The following SLC28A1 variants were observed in gnomAD, a reference collection of about 807,000 sequenced individuals.
The protein encoded by SLC28A1 is sodium/nucleoside cotransporter 1.
In SLC28A1, 64 loss-of-function variants were observed where a neutral mutation model predicts 74.8. That is an observed-to-expected ratio of 0.86 (90% CI 0.70 to 1.05). The LOEUF (loss-of-function observed/expected upper bound fraction) is 1.05. Among genes scored for constraint, SLC28A1 ranks in the 50% least tolerant of loss-of-function variants. SLC28A1 has a pLI of 0.00. For missense variants in SLC28A1, 828 were observed against 822.8 expected, an observed-to-expected ratio of 1.01 and a Z score of -0.08; for synonymous variants, 359 against 335.0, an observed-to-expected ratio of 1.07 and a Z score of -0.78.
At chr15:84,950,358 CCTTTTTTTT>C (rs529265347), downstream of SLC28A1, among the ~76,000 whole-genome samples, 22,734 of 102,900 alleles carry the variant, frequency 0.22, 2,158 homozygotes, top group South Asian at 0.54. Context: ...TCGCCAGTCT[CCTTTTTTTT>C]TTTTTTTTTT....
rs1453274347 is a variant in SLC28A1, at chr15:84,905,545, T to C, written c.610T>C (p.Trp204Arg). ...CTGTTGGGTGGGGTGGTAGGTGTCC[T>C]GGAGGGCCGTGTCTTGGGGACTTGG... ...ACSKHHCAVSWRAVSWGLGLQ... is the reference protein window; with the variant it reads ...ACSKHHCAVSRRAVSWGLGLQ... Residue 204 changes from tryptophan (W) to arginine (R), a missense_variant, in exon 8 of 19, where the codon TGG becomes CGG. Trp to Arg is a moderately radical substitution (Grantham distance 101, BLOSUM62 -3). Transcript: ENST00000394573. 1 of 1,611,250 alleles carries C rather than the reference T, an allele frequency of 6.2e-7. No individual in the cohort carries two copies. Among genetic ancestry groups the C allele is most frequent in the Non-Finnish European group, 8.5e-7 (1 of 1,177,520 alleles).
At chr15:84,886,001 G>A (rs755298544) in intron 1 of SLC28A1, 94 of 328,338 alleles carry the variant, frequency 2.9e-4, no homozygotes, top group Non-Finnish European at 4.0e-4. Context: ...GCATCATAGA[G>A]GATTTTGTCC....
In SLC28A1 at chr15:84,893,927, C is replaced by T. The variant is rs990906326; in HGVS notation, c.278-1013C>T. On this transcript the variant is annotated intron_variant, in intron 5 of 18. Transcript: ENST00000394573. ...GCTTGGCGGCCTTGCCAGGCTCAGG[C>T]GCTTTCTCTGTGATACCAGTGTCCT... Among the ~76,000 whole-genome samples the T allele has an allele frequency of 4.6e-5, 7 of 152,202 alleles. No individual in the cohort carries two copies. The East Asian group carries it at 5.8e-4, about 13-fold the overall frequency.
chr15:84,935,229 AGGAT>A, intron 14 of SLC28A1, 35 bp downstream of exon 14: 1 of 1,613,254 alleles, frequency 6.2e-7, no homozygotes, highest in Non-Finnish European at 8.5e-7. Context: ...GTCTGTAGAG[AGGAT>A]GGCCCCAGGT....
chr15:84,946,939 C>T (rs1383517208), downstream of SLC28A1, among the ~76,000 whole-genome samples: 1 of 152,232 alleles, frequency 6.6e-6, no homozygotes, highest in Non-Finnish European at 1.5e-5. Flanking sequence ...GCCCTACACC[C>T]TCACCCCTAC....
At chr15:84,967,216 A>G in the SLC28A1 span, among the ~76,000 whole-genome samples, 1 of 152,178 alleles carries the variant, frequency 6.6e-6, no homozygotes, top group Non-Finnish European at 1.5e-5. Context: ...TTACGTTGCT[A>G]CTTGTGCACA....
intron 6 of SLC28A1, among the ~76,000 whole-genome samples, chr15:84,902,211 G>A (rs970646099): frequency 2.0e-5 from 3 of 152,060 alleles, no homozygotes; most frequent in Non-Finnish European, 4.4e-5. Context: ...AGGGTGCGGT[G>A]GCTCACACCT....
intron 5 of SLC28A1, among the ~76,000 whole-genome samples, chr15:84,893,327 C>T (rs143178636): frequency 1.2e-4 from 18 of 152,288 alleles, no homozygotes; most frequent in African/African-American, 4.3e-4. Flanking sequence ...AGGTCCCCCT[C>T]CCCTGAACCC....
At chr15:84,946,116 T>TATATATA (rs2079220073), downstream of SLC28A1, among the ~76,000 whole-genome samples, 2 of 30,738 alleles carry the variant, frequency 6.5e-5, 1 homozygote, top group African/African-American at 2.1e-4. Context: ...ATATATATTT[T>TATATATA]TTTTTTTTTT....
chr15:84,957,668 T>G, the SLC28A1 span, among the ~76,000 whole-genome samples: 1 of 152,338 alleles, frequency 6.6e-6, no homozygotes, highest in East Asian at 1.9e-4. Flanking sequence ...TCTATTCCAT[T>G]TATCTGTAGT....
intron 9 of SLC28A1, among the ~76,000 whole-genome samples, chr15:84,912,178 C>A (rs1596285299): frequency 6.6e-6 from 1 of 152,312 alleles, no homozygotes; most frequent in South Asian, 2.1e-4. Flanking sequence ...TATTCAGCCT[C>A]CCCCTCTCCC....
intron 16 of SLC28A1, among the ~76,000 whole-genome samples, chr15:84,943,781 T>C (rs1312477867): frequency 1.3e-5 from 2 of 151,734 alleles, no homozygotes; most frequent in Non-Finnish European, 1.5e-5. Context: ...ATACAAAAAT[T>C]AGCCAGGCGT....
At chr15:84,946,096 ATATATATATATATATATTTTTTTTTT>A (rs2079205671), downstream of SLC28A1, among the ~76,000 whole-genome samples, 1 of 14,890 alleles carries the variant, frequency 6.7e-5, no homozygotes, top group African/African-American at 1.9e-4. Context: ...ATATATATAT[ATATATATATATATATATTTTTTTTTT>A]TTTTTTTTTT....
chr15:84,954,177 T>C, the SLC28A1 span, among the ~76,000 whole-genome samples: 1 of 152,068 alleles, frequency 6.6e-6, no homozygotes, highest in South Asian at 2.1e-4. Flanking sequence ...TCCAGACCCA[T>C]TGTTGAGGCC....
intron 6 of SLC28A1, among the ~76,000 whole-genome samples, chr15:84,901,292 A>C (rs1314353369): frequency 6.6e-6 from 1 of 152,238 alleles, no homozygotes; most frequent in Non-Finnish European, 1.5e-5. Context: ...GGATCCCCTG[A>C]GGTCAGGAGT....
chr15:84,974,831 A>C, the SLC28A1 span, among the ~76,000 whole-genome samples: 121,613 of 151,984 alleles, frequency 0.8, 48,931 homozygotes, highest in African/African-American at 0.88. Context: ...AAAAACCAAG[A>C]CTCGGTTCCC....
At chr15:84,903,473 G>A (rs759556936) in intron 6 of SLC28A1, among the ~76,000 whole-genome samples, 5 of 152,208 alleles carry the variant, frequency 3.3e-5, no homozygotes, top group African/African-American at 4.8e-5. Flanking sequence ...ATTGATGACC[G>A]GATTGGGGTG....
intron 12 of SLC28A1, among the ~76,000 whole-genome samples, chr15:84,929,086 G>A (rs12915914): frequency 0.47 from 71,930 of 151,952 alleles, 18,131 homozygotes; most frequent in East Asian, 0.93. Context: ...GAGGCTAGTC[G>A]TATTGAAAAA....
intron 6 of SLC28A1, among the ~76,000 whole-genome samples, chr15:84,901,882 C>T (rs1311960862): frequency 6.6e-6 from 1 of 152,212 alleles, no homozygotes; most frequent in Middle Eastern, 3.2e-3. Context: ...CATATATCCA[C>T]ACAAAGACTT....
Sources: allele counts gnomAD v4.1 joint callset (sites outside exome capture counted in the v4.1 genomes callset), GRCh38; gene constraint gnomAD v4.1.1; transcripts MANE v1.5; gene names NCBI Gene and HGNC (gene_info 2026-07-23, HGNC 2026-07-21).